CDH23: variants seen among roughly 807,000 people sequenced by gnomAD.
The protein encoded by CDH23 is cadherin-23.
A neutral mutation model predicts 317.1 loss-of-function variants in CDH23; 189 were observed. The observed-to-expected ratio is 0.60, with a 90% CI of 0.53 to 0.67. The LOEUF is 0.67. Ranked by LOEUF, CDH23 falls within the 30% of genes least tolerant of loss-of-function variation. CDH23 has a pLI of 0.00. For synonymous variants in CDH23, 1,839 were observed against 1,876.8 expected, an observed-to-expected ratio of 0.98 and a Z score of 0.52; for missense variants, 4,401 against 4,592.4, an observed-to-expected ratio of 0.96 and a Z score of 1.20.
chr10:71,645,717 C>G, intron 12 of CDH23, 114 bp from the exon 13 acceptor site: 1 of 1,235,346 alleles, frequency 8.1e-7, no homozygotes, highest in Non-Finnish European at 1.2e-6. Context: ...TCATCCATTG[C>G]CCCAACCAAA....
intron 11 of CDH23, among the ~76,000 whole-genome samples, chr10:71,635,661 G>A (rs1413510044): frequency 1.3e-5 from 2 of 151,716 alleles, no homozygotes; most frequent in Non-Finnish European, 2.9e-5. Context: ...GTTGGAGAGG[G>A]AGAGATTGGA....
At chr10:71,628,249 T>G (rs547114083) in intron 11 of CDH23, among the ~76,000 whole-genome samples, 15 of 152,300 alleles carry the variant, frequency 9.8e-5, no homozygotes, top group Middle Eastern at 6.8e-3. Context: ...CGCAGAAGCC[T>G]CCTTCCCAGC....
At chr10:71,497,989 C>T (rs746585858) in intron 3 of CDH23, among the ~76,000 whole-genome samples, 41 of 152,220 alleles carry the variant, frequency 2.7e-4, no homozygotes, top group Non-Finnish European at 5.4e-4. Context: ...CTCCCCAGCA[C>T]GACACCCACA....
intron 48 of CDH23, chr10:71,795,653 C>G: frequency 2.8e-6 from 1 of 356,272 alleles, no homozygotes; most frequent in Non-Finnish European, 3.9e-6. Context: ...CACTTGCTCC[C>G]CTGGTTTCCT....
chr10:71,748,885 G>C (rs1041769827), intron 38 of CDH23: 13 of 152,834 alleles, frequency 8.5e-5, no homozygotes, highest in African/African-American at 2.9e-4. Context: ...TGTGGCCATG[G>C]ATGAAGATGG....
chr10:71,810,101 C>T lies in CDH23; in HGVS notation c.8979+25C>T, dbSNP rs375220491. The stretch of plus-strand genomic sequence containing the variant: ...GGTGCCTCATGGGCCCACCCGGGGC[C>T]GGGGCAGTGGAGGGAGAAGGAAGGG... On this transcript the variant is annotated intron_variant, in intron 61 of 69. Transcript: ENST00000224721. The T allele has an allele frequency of 1.1e-5, 18 of 1,607,628 alleles. No individual in the cohort carries two copies. The African/African-American group carries it at 1.7e-4, about 16-fold the overall frequency.
chr10:71,770,289 T>C (rs1010968700), intron 38 of CDH23, among the ~76,000 whole-genome samples: 2 of 152,036 alleles, frequency 1.3e-5, no homozygotes, highest in Non-Finnish European at 2.9e-5. Flanking sequence ...CCAAGGGAGG[T>C]GGTATCATCT....
intron 38 of CDH23, among the ~76,000 whole-genome samples, chr10:71,759,395 T>C (rs898056406): frequency 6.6e-6 from 1 of 152,046 alleles, no homozygotes; most frequent in African/African-American, 2.4e-5. Context: ...TAGTCCCAGC[T>C]ACTTGGGAGA....
chr10:71,775,018 G>C (rs1329103894), intron 38 of CDH23, among the ~76,000 whole-genome samples: 1 of 152,168 alleles, frequency 6.6e-6, no homozygotes, highest in African/African-American at 2.4e-5. Flanking sequence ...AGTCCCCCTG[G>C]AGCCAGTGAA....
chr10:71,632,287 C>T (rs541762181), intron 11 of CDH23, among the ~76,000 whole-genome samples: 7 of 152,288 alleles, frequency 4.6e-5, no homozygotes, highest in South Asian at 2.1e-4. Context: ...TCAGCAAGTG[C>T]GTAATTTGCA....
intron 37 of CDH23, 73 bp downstream of exon 37, chr10:71,741,023 C>T: frequency 6.4e-7 from 1 of 1,568,528 alleles, no homozygotes; most frequent in Non-Finnish European, 8.8e-7. Flanking sequence ...CATGCAGCCC[C>T]TGTTTAAATG....
intron 3 of CDH23, among the ~76,000 whole-genome samples, chr10:71,506,709 G>A (rs1288569254): frequency 6.6e-6 from 1 of 152,200 alleles, no homozygotes; most frequent in Non-Finnish European, 1.5e-5. Flanking sequence ...GCAGCGCTGG[G>A]CGGAGGAGTA....
At chr10:71,414,571 A>T (rs1362222105) in intron 1 of CDH23, among the ~76,000 whole-genome samples, 3 of 152,226 alleles carry the variant, frequency 2.0e-5, no homozygotes, top group Non-Finnish European at 4.4e-5. Context: ...TAGCTACAAC[A>T]GCTTTTGTTT....
At chr10:71,695,559 G>A (rs371123542) in intron 22 of CDH23, 34 bp downstream of exon 22, 65 of 1,483,562 alleles carry the variant, frequency 4.4e-5, no homozygotes, top group Non-Finnish European at 5.2e-5. Flanking sequence ...ACTGCCAGGC[G>A]GCCCTTCCCA....
intron 3 of CDH23, among the ~76,000 whole-genome samples, chr10:71,469,542 A>G (rs2132082293): frequency 6.6e-6 from 1 of 152,104 alleles, no homozygotes; most frequent in South Asian, 2.1e-4. Context: ...TCACTCATTG[A>G]TAGACATTTG....
intron 11 of CDH23, among the ~76,000 whole-genome samples, chr10:71,641,443 T>C (rs1452894962): frequency 6.6e-6 from 1 of 152,194 alleles, no homozygotes; most frequent in Non-Finnish European, 1.5e-5. Flanking sequence ...ATCCTCAGGA[T>C]GGCATCTGCC....
At chr10:71,431,219 G>A (rs77240820) in intron 1 of CDH23, among the ~76,000 whole-genome samples, 3,955 of 152,234 alleles carry the variant, frequency 0.026, 149 homozygotes, top group African/African-American at 0.083. Context: ...TTTAAGAGTC[G>A]GTGAGGGGAA....
Position 71,811,528 on chromosome 10 carries a change from G to C in CDH23, c.9216G>C (p.Leu3072=). ...MSALQMAIIV[L]AILLFLAAML... ...TCCCGCAGATGGCGATCATCGTCCT[G>C]GCTATCCTCCTGTTCCTGGCCGCCA... Residue 3072 remains leucine, a synonymous_variant, in exon 64 of 70, where the codon CTG becomes CTC. Transcript: ENST00000224721. 1 of 1,613,956 alleles carries C rather than the reference G, an allele frequency of 6.2e-7. No homozygotes were observed. The highest frequency in any genetic ancestry group is 8.5e-7 in the Non-Finnish European group (1 of 1,179,894).
At chr10:71,774,221 T>C (rs1486522699) in intron 38 of CDH23, among the ~76,000 whole-genome samples, 1 of 140,200 alleles carries the variant, frequency 7.1e-6, no homozygotes, top group Non-Finnish European at 1.5e-5. Context: ...GCCTCAGCTG[T>C]CCGCCTGGCT....
Sources: gnomAD v4.1 joint callset for allele counts (sites outside exome capture counted in the v4.1 genomes callset) on GRCh38, gnomAD v4.1.1 for gene constraint, MANE v1.5 for transcripts, NCBI Gene and HGNC (gene_info 2026-07-23, HGNC 2026-07-21) for gene names.